Variants in MFF observed in about 807,000 individuals in gnomAD.
The protein encoded by MFF is mitochondrial fission factor.
In MFF, 12 loss-of-function variants were observed where a neutral mutation model predicts 36.9. That is an observed-to-expected ratio of 0.33 (90% confidence interval 0.21 to 0.53). The LOEUF is 0.53. MFF is among the 20% of genes least tolerant of loss of function. The probability of loss-of-function intolerance (pLI) is 0.95; values close to 1 mark genes in which losing one functional copy is unlikely to be tolerated. For synonymous variants in MFF, 99 were observed against 126.2 expected, an observed-to-expected ratio of 0.78 and a Z score of 1.44; for missense variants, 348 against 366.6, an observed-to-expected ratio of 0.95 and a Z score of 0.42.
chr2:227,352,282 A>G (rs2076036762), intron 6 of MFF: 3 of 437,848 alleles, frequency 6.9e-6, no homozygotes, highest in East Asian at 3.6e-5. Context: ...TGTCGTGTAA[A>G]TATAGATTCC....
chr2:227,331,777 C>T (rs1419441699), intron 3 of MFF, among the ~76,000 whole-genome samples: 1 of 151,914 alleles, frequency 6.6e-6, no homozygotes, highest in Non-Finnish European at 1.5e-5. Flanking sequence ...TGCTTTTTGT[C>T]CATTTATATA....
At chr2:227,329,300 T>G (rs1205750736) in intron 2 of MFF, 1 of 172,976 alleles carries the variant, frequency 5.8e-6, no homozygotes, top group Non-Finnish European at 1.2e-5. Flanking sequence ...GTATAATGAT[T>G]AGAGGAGTTT....
chr2:227,333,315 G>T (rs1430970469), intron 4 of MFF, among the ~76,000 whole-genome samples: 1 of 152,118 alleles, frequency 6.6e-6, no homozygotes, highest in Non-Finnish European at 1.5e-5. Flanking sequence ...CACCCATACT[G>T]TCTAGGGCAA....
intron 4 of MFF, among the ~76,000 whole-genome samples, chr2:227,337,462 A>G (rs901949029): frequency 6.6e-6 from 1 of 152,232 alleles, no homozygotes; most frequent in Non-Finnish European, 1.5e-5. Context: ...CCTGAAGAAG[A>G]GGTGGGCTTT....
intron 5 of MFF, among the ~76,000 whole-genome samples, chr2:227,344,511 A>T (rs936977031): frequency 4.0e-5 from 6 of 151,734 alleles, no homozygotes; most frequent in African/African-American, 1.5e-4. Context: ...AATGGAGCTT[A>T]TTCTTTTTTG....
intron 5 of MFF, among the ~76,000 whole-genome samples, chr2:227,344,287 A>AAT (rs1006328162): frequency 6.6e-5 from 10 of 152,158 alleles, no homozygotes; most frequent in Admixed American, 1.3e-4. Context: ...TTAAATTACT[A>AAT]ATATATATAT....
intron 4 of MFF, among the ~76,000 whole-genome samples, chr2:227,335,359 G>C (rs1325319038): frequency 6.6e-6 from 1 of 152,046 alleles, no homozygotes; most frequent in African/African-American, 2.4e-5. Flanking sequence ...GAGGAGAGGG[G>C]ACTTGAGAGT....
At chr2:227,335,131 C>A (rs2074893206) in intron 4 of MFF, among the ~76,000 whole-genome samples, 1 of 143,130 alleles carries the variant, frequency 7.0e-6, no homozygotes, top group African/African-American at 2.6e-5. Context: ...GATTGTGCCA[C>A]TGTACTCCGG....
chr2:227,339,404 G>C (rs2075260624), intron 4 of MFF, among the ~76,000 whole-genome samples: 1 of 152,158 alleles, frequency 6.6e-6, no homozygotes, highest in Admixed American at 6.6e-5. Flanking sequence ...AATGTCTGGG[G>C]CCTAAGCTAG....
At chr2:227,356,122 A>G (rs7572491) in intron 8 of MFF, among the ~76,000 whole-genome samples, 85,371 of 152,040 alleles carry the variant, frequency 0.56, 24,229 homozygotes, top group South Asian at 0.64. Context: ...CTTGCACAGC[A>G]TCCCTGCATA....
Position 227,325,296 on chromosome 2 carries a change from G to C in MFF, c.-284G>C, listed in dbSNP as rs2074001622. 2 of 156,154 alleles carry C rather than the reference G, an allele frequency of 1.3e-5. No homozygotes were observed. The highest frequency in any genetic ancestry group is 3.5e-4 in the South Asian group (2 of 5,674). 9.7% of individuals were successfully genotyped at this position (156,154 alleles called of 1,614,324 possible). A position where few individuals can be genotyped will look rare whatever the true frequency, so the allele number is the denominator to read the frequency against. On this transcript the variant is annotated 5_prime_UTR_variant, in exon 1 of 9. Transcript: ENST00000304593. ...TTTCGCGCTTCTGCCCTGGCCCTCT[G>C]CGGGCCGCTCCGCCGGTGCTGTCCC...
At chr2:227,351,446 A>G (rs534539427) in intron 6 of MFF, among the ~76,000 whole-genome samples, 191 of 152,316 alleles carry the variant, frequency 1.3e-3, no homozygotes, top group African/African-American at 4.6e-3. Flanking sequence ...ACTTACAGAA[A>G]AAATTAGTGC....
At chr2:227,354,058 C>G (rs1438222304) in intron 7 of MFF, among the ~76,000 whole-genome samples, 3 of 152,122 alleles carry the variant, frequency 2.0e-5, no homozygotes, top group Non-Finnish European at 4.4e-5. Context: ...TATAATTACC[C>G]TAACTGCTCC....
At chr2:227,332,376 T>C in intron 3 of MFF, 43 bp from the exon 4 acceptor site, 1 of 1,468,852 alleles carries the variant, frequency 6.8e-7, no homozygotes. Context: ...TTAAAAAACC[T>C]CCCGCTTTTC....
In MFF at chr2:227,347,398, C is replaced by T. The variant is rs369599652; in HGVS notation, c.599+14C>T. On this transcript the variant is annotated intron_variant, in intron 6 of 8. Coordinates refer to ENST00000304593, the MANE Select transcript of MFF (RefSeq NM_001277062.2). ...TGAAAATCGCAGGTGATTGGCCATC[C>T]GTGACTCTTGACAGCTTTATTGCAT... 90 of 1,612,534 alleles carry T rather than the reference C, an allele frequency of 5.6e-5. No homozygotes were observed. Among genetic ancestry groups the T allele is most frequent in the Non-Finnish European group, 7.4e-5 (87 of 1,179,066 alleles).
intron 3 of MFF, among the ~76,000 whole-genome samples, chr2:227,331,997 A>G (rs2074619791): frequency 2.2e-5 from 2 of 92,404 alleles, no homozygotes; most frequent in Non-Finnish European, 3.7e-5. Context: ...TTTGAGACGG[A>G]GTCTCGCTCT....
intron 4 of MFF, among the ~76,000 whole-genome samples, chr2:227,336,538 G>A (rs1478695818): frequency 3.9e-5 from 6 of 152,176 alleles, no homozygotes; most frequent in Non-Finnish European, 8.8e-5. Flanking sequence ...AAGAGTAAAG[G>A]CATTGAGTGG....
intron 5 of MFF, among the ~76,000 whole-genome samples, chr2:227,343,794 T>G (rs1399762169): frequency 1.3e-5 from 2 of 152,150 alleles, no homozygotes; most frequent in Non-Finnish European, 2.9e-5. Flanking sequence ...GGTTGTTTTG[T>G]TTTTTTCTTT....
intron 5 of MFF, among the ~76,000 whole-genome samples, chr2:227,340,811 T>G (rs760529757): frequency 2.0e-5 from 3 of 152,214 alleles, no homozygotes; most frequent in Non-Finnish European, 4.4e-5. Context: ...ACCTTTCTTT[T>G]TCATTTGGTT....
Sources: gnomAD v4.1 joint callset for allele counts (sites outside exome capture counted in the v4.1 genomes callset) on GRCh38, gnomAD v4.1.1 for gene constraint, MANE v1.5 for transcripts, NCBI Gene and HGNC (gene_info 2026-07-23, HGNC 2026-07-21) for gene names.